The following PFAS variants were observed in gnomAD, a reference collection of about 807,000 sequenced individuals.
The protein encoded by PFAS is FGAM synthase.
In PFAS, 97 loss-of-function variants were observed where a neutral mutation model predicts 140.6. The ratio of observed to expected loss-of-function variants is 0.69; its 90% confidence interval spans 0.59 to 0.82. PFAS has a LOEUF of 0.82. PFAS is among the 40% of genes least tolerant of loss of function. The pLI, the probability that PFAS is intolerant of heterozygous loss-of-function variation, is 0.00. For synonymous variants in PFAS, 679 were observed against 718.8 expected, an observed-to-expected ratio of 0.94 and a Z score of 0.88; for missense variants, 1,656 against 1,780.2, an observed-to-expected ratio of 0.93 and a Z score of 1.26.
chr17:8,266,290 C>T lies in PFAS; in HGVS notation c.2758C>T (p.Leu920=), dbSNP rs752472082. 1 of 1,614,104 alleles carries T rather than the reference C, an allele frequency of 6.2e-7. No homozygotes were observed. Among genetic ancestry groups the T allele is most frequent in the Non-Finnish European group, 8.5e-7 (1 of 1,179,982 alleles). ...VSDGGLVTCL[L]EMAFAGNCGL... ...TGACGGAGGCCTCGTCACATGCCTGCTGGAGATGGCCTTTGCTGGAAATTG... is the reference window on the plus strand; with the variant it reads ...TGACGGAGGCCTCGTCACATGCCTGTTGGAGATGGCCTTTGCTGGAAATTG... The change falls in exon 22 of 28, where the codon CTG becomes TTG. Residue 920 remains leucine (L), a synonymous_variant. Coordinates refer to ENST00000314666, the MANE Select transcript of PFAS (RefSeq NM_012393.3). This position sits in a 1 kb window ranked among gnomAD's most constrained non-coding sequence, Gnocchi z 5.0.
intron 12 of PFAS, 52 bp downstream of exon 12, chr17:8,263,045 G>C: frequency 6.2e-7 from 1 of 1,606,996 alleles, no homozygotes; most frequent in Non-Finnish European, 8.5e-7. Flanking sequence ...CGGGCCCCAG[G>C]CATAGGGGAG....
chr17:8,254,350 C>T (rs1989275693), intron 3 of PFAS, 49 bp downstream of exon 3: 1 of 1,603,658 alleles, frequency 6.2e-7, no homozygotes, highest in Non-Finnish European at 8.5e-7. Flanking sequence ...CCTTTGCTTC[C>T]TCTTGTGATC....
intron 1 of PFAS, among the ~76,000 whole-genome samples, chr17:8,252,089 T>C (rs1258573016): frequency 1.3e-5 from 2 of 150,992 alleles, no homozygotes; most frequent in African/African-American, 4.9e-5. Flanking sequence ...AGGTCAGGAG[T>C]TGGAGACCAG....
In PFAS at chr17:8,266,204, G is replaced by A. The variant is rs1989806518; in HGVS notation, c.2702-30G>A. Reference sequence around the variant, plus strand: ...TGGGGCTGTCAGGTTTGGGTCCCGAGGTTGCTGAGCTTTCTTCTCCTTCCT... The same window carrying A: ...TGGGGCTGTCAGGTTTGGGTCCCGAAGTTGCTGAGCTTTCTTCTCCTTCCT... On this transcript the variant is annotated intron_variant, in intron 21 of 27. Coordinates refer to ENST00000314666, the MANE Select transcript of PFAS (RefSeq NM_012393.3). This position sits in a 1 kb window ranked among gnomAD's most constrained non-coding sequence, Gnocchi z 5.0. The A allele has an allele frequency of 1.2e-6, 2 of 1,612,852 alleles. No homozygotes were observed. The highest frequency in any genetic ancestry group is 1.7e-6 in the Non-Finnish European group (2 of 1,179,272).
intron 11 of PFAS, among the ~76,000 whole-genome samples, chr17:8,261,668 T>A (rs1286063856): frequency 6.6e-6 from 1 of 151,780 alleles, no homozygotes; most frequent in African/African-American, 2.4e-5. Flanking sequence ...TGGAGTGCAG[T>A]GGTGCGATCT....
Position 8,266,498 on chromosome 17 carries a change from C to T in PFAS, c.2821+145C>T. The T allele has an allele frequency of 6.7e-7, 1 of 1,482,998 alleles. No individual in the cohort carries two copies. Among genetic ancestry groups the T allele is most frequent in the Non-Finnish European group, 8.9e-7 (1 of 1,119,026 alleles). The allele number at this position is 1,482,998 out of a possible 1,614,324, so 91.9% of individuals were successfully genotyped here. On this transcript the variant is annotated intron_variant, in intron 22 of 27. Coordinates refer to ENST00000314666, the MANE Select transcript of PFAS (RefSeq NM_012393.3). The surrounding 1 kb of genome is among the most constrained non-coding windows in gnomAD (Gnocchi z 5.0). Reference sequence around the variant, plus strand: ...TAGCTTTTCTGTGCTGTCTCTCTGACAGCTGAACTGGATGGAACTGGCTGA... The same window carrying T: ...TAGCTTTTCTGTGCTGTCTCTCTGATAGCTGAACTGGATGGAACTGGCTGA...
upstream of PFAS, chr17:8,247,881 C>G (rs961315551): frequency 1.1e-6 from 1 of 948,576 alleles, no homozygotes; most frequent in African/African-American, 1.6e-5. Flanking sequence ...ACTCACAACC[C>G]CCTCACCCAT....
Position 8,266,626 on chromosome 17 carries a change from A to G in PFAS, c.2822-127A>G. ...GCCGTCCTAGCCCTCATCCTCCCTG[A>G]TCCCTACCCTACTCTCTGGCTGCAT... On this transcript the variant is annotated intron_variant, in intron 22 of 27. Coordinates refer to ENST00000314666, the MANE Select transcript of PFAS (RefSeq NM_012393.3). The surrounding 1 kb of genome is among the most constrained non-coding windows in gnomAD (Gnocchi z 5.0). 1 of 1,500,264 alleles carries G rather than the reference A, an allele frequency of 6.7e-7. No homozygotes were observed. 92.9% of individuals were successfully genotyped at this position (1,500,264 alleles called of 1,614,324 possible). A position where few individuals can be genotyped will look rare whatever the true frequency, so the allele number is the denominator to read the frequency against.
intron 6 of PFAS, among the ~76,000 whole-genome samples, 157 bp from the exon 7 acceptor site, chr17:8,256,110 A>G (rs1015521774): frequency 1.3e-5 from 2 of 152,204 alleles, no homozygotes; most frequent in Non-Finnish European, 2.9e-5. Flanking sequence ...AAAATGACAG[A>G]ATACTTGAAG....
chr17:8,249,297 G>C lies in PFAS; in HGVS notation c.-122G>C, dbSNP rs979448393. ...CACGCGGATGACGTAACAAACGCGC[G>C]CGACGATTCGAGGTGCTCTGTGGCC... On this transcript the variant is annotated 5_prime_UTR_variant, in exon 1 of 28. Transcript: ENST00000314666. 1 of 152,168 alleles carries C rather than the reference G, an allele frequency of 6.6e-6. No homozygotes were observed. The highest frequency in any genetic ancestry group is 1.5e-5 in the Non-Finnish European group (1 of 68,032). 9.4% of individuals were successfully genotyped at this position (152,168 alleles called of 1,614,324 possible). A position where few individuals can be genotyped will look rare whatever the true frequency, so the allele number is the denominator to read the frequency against.
chr17:8,251,779 CT>C (rs1567633357), intron 1 of PFAS, among the ~76,000 whole-genome samples: 1 of 146,892 alleles, frequency 6.8e-6, no homozygotes, highest in African/African-American at 2.5e-5. Context: ...TCCAGTGATT[CT>C]CCTGCCTCAG....
chr17:8,250,553 C>T (rs2151571093), intron 1 of PFAS, among the ~76,000 whole-genome samples: 1 of 152,178 alleles, frequency 6.6e-6, no homozygotes, highest in East Asian at 1.9e-4. Context: ...TACTGAGTGG[C>T]AAGACTAGGG....
chr17:8,260,154 CATTTATTGTCATTATGAAGT>C (rs1989534607), intron 11 of PFAS, among the ~76,000 whole-genome samples: 1 of 151,284 alleles, frequency 6.6e-6, no homozygotes, highest in South Asian at 2.1e-4. Flanking sequence ...CAGTAATAGT[CATTTATTGTCATTATGAAGT>C]ATTATGTAGT....
rs1332445072 is a variant in PFAS at position 8,266,411 on chromosome 17, C to A, written c.2821+58C>A. 11 of 1,606,396 alleles carry A rather than the reference C, an allele frequency of 6.8e-6. 1 individual carries two copies. The South Asian group carries it at 1.1e-4, about 16-fold the overall frequency. Reference sequence around the variant, plus strand: ...GCTGCCTTCTCTACCCTGCAGACCCCATTTCCAATATATTAAAGAGTGGAG... The same window carrying A: ...GCTGCCTTCTCTACCCTGCAGACCCAATTTCCAATATATTAAAGAGTGGAG... On this transcript the variant is annotated intron_variant, in intron 22 of 27. Coordinates refer to ENST00000314666, the MANE Select transcript of PFAS (RefSeq NM_012393.3). The surrounding 1 kb of genome is among the most constrained non-coding windows in gnomAD (Gnocchi z 5.0).
rs779760832 is a variant in PFAS, at chr17:8,256,272, A to C, written c.686A>C (p.His229Pro). ...CCCTGCATCGCCCCCTGCAGCGAGC[A>C]CAGCCGACACTGGTTCTTCAAGGGC... is the stretch of plus-strand genomic sequence containing the variant. ...AFDLAQSNSE[H>P]SRHWFFKGQL... The change falls in exon 7 of 28, where the codon CAC (histidine) becomes CCC (proline). Residue 229 changes from histidine to proline, a missense_variant. Coordinates refer to ENST00000314666, the MANE Select transcript of PFAS (RefSeq NM_012393.3). The C allele has an allele frequency of 6.2e-7, 1 of 1,613,908 alleles. No homozygotes were observed. The highest frequency in any genetic ancestry group is 8.5e-7 in the Non-Finnish European group (1 of 1,179,994).
Position 8,267,585 on chromosome 17 carries a change from G to A in PFAS, c.3302G>A (p.Gly1101Glu). The change falls in exon 26 of 28, where the codon GGG becomes GAG. Residue 1101 changes from glycine (G) to glutamate (E), a missense_variant. Around this residue, in one of 2 missense-constraint regions of PFAS, gnomAD observed 883 missense variants for 1,023.0 expected, o/e 0.86. Transcript: ENST00000314666. The surrounding 1 kb of genome is among the most constrained non-coding windows in gnomAD (Gnocchi z 4.9). ...WDVTMQDLCS[G>E]AIGLDTFRGV... ...GTGACCATGCAGGACCTCTGCTCTG[G>A]GGCAATTGGGCTGGACACTTTCCGT... 5 of 1,613,388 alleles carry A rather than the reference G, an allele frequency of 3.1e-6. No homozygotes were observed. The highest frequency in any genetic ancestry group is 4.2e-6 in the Non-Finnish European group (5 of 1,179,372).
chr17:8,255,489 TCTG>T lies in PFAS; in HGVS notation c.385-11_385-9del, dbSNP rs779718030. On this transcript the variant is annotated splice_polypyrimidine_tract_variant and intron_variant, in intron 4 of 27. Transcript: ENST00000314666. ...CTCTTCACCCCTTGCCCTCTGTGTG[TCTG>T]CACCCCTAGTTTGCCCACCCCCCGT... 191 of 1,510,718 alleles carry T rather than the reference TCTG, an allele frequency of 1.3e-4. 3 individuals are homozygous for T. The South Asian group carries it at 2.4e-3, about 19-fold the overall frequency. The allele number at this position is 1,510,718 out of a possible 1,614,324, so 93.6% of individuals were successfully genotyped here.
At position 8,267,717 on chromosome 17, in the gene PFAS, G is replaced by A. The variant is rs1567646826; in HGVS notation, c.3382+52G>A. On this transcript the variant is annotated intron_variant, in intron 26 of 27. Coordinates refer to ENST00000314666, the MANE Select transcript of PFAS (RefSeq NM_012393.3). The surrounding 1 kb of genome is among the most constrained non-coding windows in gnomAD (Gnocchi z 4.9). Reference sequence around the variant, plus strand: ...CCTTCCCCCACATTCCTGAAGAGGTGCCTTTAGCCCCATCTTCCTGGGCTG... The same window carrying A: ...CCTTCCCCCACATTCCTGAAGAGGTACCTTTAGCCCCATCTTCCTGGGCTG... The A allele has an allele frequency of 1.9e-6, 2 of 1,039,048 alleles. No individual in the cohort carries two copies. Among genetic ancestry groups the A allele is most frequent in the South Asian group, 1.4e-5 (1 of 70,760 alleles). The allele number at this position is 1,039,048 out of a possible 1,614,324, so 64.4% of individuals were successfully genotyped here.
Position 8,263,640 on chromosome 17 carries a change from G to A in PFAS, c.1629+4G>A. ...CATTTACACCAGCCGCTTCCAGGTG[G>A]GTCTCGTCCCCTGAAGTGTGACATT... On this transcript the variant is annotated splice_donor_region_variant and intron_variant, in intron 14 of 27. Coordinates refer to ENST00000314666, the MANE Select transcript of PFAS (RefSeq NM_012393.3). 1 of 1,613,582 alleles carries A rather than the reference G, an allele frequency of 6.2e-7. No homozygotes were observed. The highest frequency in any genetic ancestry group is 8.5e-7 in the Non-Finnish European group (1 of 1,179,562).
Sources: allele counts gnomAD v4.1 joint callset (sites outside exome capture counted in the v4.1 genomes callset), GRCh38; gene constraint gnomAD v4.1.1; regional missense constraint gnomAD v4.1.1; non-coding constraint Gnocchi (gnomAD v3.1); transcripts MANE v1.5; gene names NCBI Gene and HGNC (gene_info 2026-07-23, HGNC 2026-07-21).